The following XPR1 variants were observed in gnomAD, a reference collection of about 807,000 sequenced individuals.
XPR1 encodes xenotropic and polytropic retrovirus receptor 1, also known as solute carrier family 53 member 1.
Under a neutral mutation model 87.5 loss-of-function variants are expected in XPR1, and 28 were observed. That is an observed-to-expected ratio of 0.32 (90% CI 0.24 to 0.44). XPR1 has a LOEUF of 0.44. Ranked by LOEUF, XPR1 falls within the 20% of genes least tolerant of loss-of-function variation. The pLI is 1.00. For synonymous variants in XPR1, 300 were observed against 306.1 expected, an observed-to-expected ratio of 0.98 and a Z score of 0.21; for missense variants, 559 against 862.3, an observed-to-expected ratio of 0.65 and a Z score of 4.41.
At chr1:180,855,522 G>A (rs778246671) in intron 11 of XPR1, among the ~76,000 whole-genome samples, 4 of 151,904 alleles carry the variant, frequency 2.6e-5, no homozygotes, top group Non-Finnish European at 5.9e-5. Context: ...AAAATTAGCC[G>A]GGTGTGGTGG....
intron 2 of XPR1, among the ~76,000 whole-genome samples, chr1:180,730,979 G>A (rs556045489): frequency 1.3e-5 from 2 of 152,162 alleles, no homozygotes; most frequent in Admixed American, 1.3e-4. Context: ...TTGCTTTGGT[G>A]AATCTTTGTG....
intron 1 of XPR1, among the ~76,000 whole-genome samples, chr1:180,675,511 G>T (rs1004076461): frequency 6.6e-6 from 1 of 152,114 alleles, no homozygotes; most frequent in African/African-American, 2.4e-5. Flanking sequence ...GTGAATTGGG[G>T]TCACAAGTTT....
intron 2 of XPR1, among the ~76,000 whole-genome samples, chr1:180,775,890 A>G (rs1351127044): frequency 2.6e-5 from 4 of 152,174 alleles, no homozygotes; most frequent in Admixed American, 6.5e-5. Context: ...TCATTTACAT[A>G]TGTACTAATT....
At chr1:180,850,699 T>TG (rs1378244579) in intron 11 of XPR1, among the ~76,000 whole-genome samples, 2 of 152,186 alleles carry the variant, frequency 1.3e-5, no homozygotes, top group African/African-American at 4.8e-5. Flanking sequence ...AACTGACACC[T>TG]GTAATCTCAG....
chr1:180,705,665 G>A (rs1351100120), intron 2 of XPR1, among the ~76,000 whole-genome samples: 1 of 152,042 alleles, frequency 6.6e-6, no homozygotes, highest in Admixed American at 6.6e-5. Flanking sequence ...TTCTGTATGG[G>A]ATCCTCTAAC....
chr1:180,659,412 CTT>C, intron 1 of XPR1, among the ~76,000 whole-genome samples: 2 of 130,840 alleles, frequency 1.5e-5, no homozygotes, highest in Non-Finnish European at 3.3e-5. Context: ...TCCTTCCTTC[CTT>C]CCTTCCTTCC....
intron 2 of XPR1, among the ~76,000 whole-genome samples, chr1:180,765,110 G>A (rs908858343): frequency 2.0e-5 from 3 of 152,108 alleles, no homozygotes; most frequent in African/African-American, 7.2e-5. Flanking sequence ...TTATGTGCAG[G>A]AACTGTTATA....
intron 1 of XPR1, among the ~76,000 whole-genome samples, chr1:180,678,525 C>G (rs1250545198): frequency 1.3e-5 from 2 of 152,272 alleles, no homozygotes; most frequent in East Asian, 3.9e-4. Context: ...TGTATTGCTT[C>G]AAATTCTGTA....
intron 2 of XPR1, among the ~76,000 whole-genome samples, chr1:180,737,059 G>A (rs932523485): frequency 2.0e-5 from 3 of 152,314 alleles, no homozygotes; most frequent in East Asian, 1.9e-4. Flanking sequence ...CTTTCTTGCC[G>A]AGACTTGTGA....
intron 10 of XPR1, 65 bp from the exon 11 acceptor site, chr1:180,836,457 G>A: frequency 6.3e-7 from 1 of 1,582,484 alleles, no homozygotes; most frequent in Non-Finnish European, 8.6e-7. Context: ...TACACTATAT[G>A]GCTAAATGAT....
chr1:180,710,443 C>G (rs1357045589), intron 2 of XPR1, among the ~76,000 whole-genome samples: 2 of 152,094 alleles, frequency 1.3e-5, no homozygotes, highest in Non-Finnish European at 2.9e-5. Flanking sequence ...TTTAACAAAG[C>G]ACATATTGCG....
intron 2 of XPR1, among the ~76,000 whole-genome samples, chr1:180,711,540 T>C (rs989067833): frequency 6.7e-6 from 1 of 148,652 alleles, no homozygotes; most frequent in Non-Finnish European, 1.5e-5. Context: ...GGCAGGGAGG[T>C]TGCAGTGAGC....
chr1:180,784,291 C>G (rs1649052499), intron 2 of XPR1, among the ~76,000 whole-genome samples: 1 of 151,992 alleles, frequency 6.6e-6, no homozygotes, highest in Non-Finnish European at 1.5e-5. Context: ...GGTTGAAAAG[C>G]TATATTTCCT....
At chr1:180,879,725 C>CT (rs1182848908) in intron 13 of XPR1, among the ~76,000 whole-genome samples, 1 of 152,210 alleles carries the variant, frequency 6.6e-6, no homozygotes, top group Non-Finnish European at 1.5e-5. Context: ...TGCTCATTGT[C>CT]TGTCTCCACC....
At chr1:180,854,580 A>G (rs547452412) in intron 11 of XPR1, among the ~76,000 whole-genome samples, 1 of 152,332 alleles carries the variant, frequency 6.6e-6, no homozygotes, top group South Asian at 2.1e-4. Context: ...GTCATTTATC[A>G]AAAAGGAATG....
chr1:180,678,746 G>A (rs1439761828), intron 1 of XPR1, among the ~76,000 whole-genome samples: 1 of 152,104 alleles, frequency 6.6e-6, no homozygotes, highest in Admixed American at 6.5e-5. Context: ...GGTTAGTCAT[G>A]GATCTGACAG....
chr1:180,695,450 GCA>G (rs1657133551), intron 2 of XPR1, among the ~76,000 whole-genome samples: 1 of 141,878 alleles, frequency 7.0e-6, no homozygotes, highest in Non-Finnish European at 1.5e-5. Flanking sequence ...GTATGCGCGC[GCA>G]CGCGCGCGCT....
intron 1 of XPR1, among the ~76,000 whole-genome samples, chr1:180,637,259 G>A (rs766253420): frequency 2.0e-5 from 3 of 152,104 alleles, no homozygotes; most frequent in Non-Finnish European, 4.4e-5. Flanking sequence ...GTTCGCTTTG[G>A]CAGATAATCA....
At chr1:180,633,259 A>G (rs1344021698) in intron 1 of XPR1, among the ~76,000 whole-genome samples, 1 of 152,220 alleles carries the variant, frequency 6.6e-6, no homozygotes, top group Non-Finnish European at 1.5e-5. Context: ...GGCTTTAAGC[A>G]TTGCAATAGG....
Sources: allele counts gnomAD v4.1 joint callset (sites outside exome capture counted in the v4.1 genomes callset), GRCh38; gene constraint gnomAD v4.1.1; transcripts MANE v1.5; gene names NCBI Gene and HGNC (gene_info 2026-07-23, HGNC 2026-07-21).